FGFR1: variants seen among roughly 807,000 people sequenced by gnomAD.
The protein encoded by FGFR1 is fibroblast growth factor receptor 1, also known as FGFR1/PLAG1 fusion.
FGFR1 carries 18 observed loss-of-function variants against 93.7 expected under a neutral mutation model. The observed-to-expected ratio is 0.19, with a 90% CI of 0.13 to 0.28. The LOEUF is 0.28. Ranked by LOEUF, FGFR1 falls within the 10% of genes least tolerant of loss-of-function variation. FGFR1 has a pLI of 1.00. For missense variants in FGFR1, 731 were observed against 1,080.4 expected, an observed-to-expected ratio of 0.68 and a Z score of 4.53; for synonymous variants, 448 against 429.3, an observed-to-expected ratio of 1.04 and a Z score of -0.54.
intron 2 of FGFR1, among the ~76,000 whole-genome samples, chr8:38,448,994 T>C (rs906991411): frequency 6.6e-6 from 1 of 151,606 alleles, no homozygotes; most frequent in Admixed American, 6.6e-5. Context: ...CCTAACACTT[T>C]AGGAGGCTGA....
chr8:38,423,662 T>TAAAAAAAAAAAAAAAAAAAAAAAA (rs1209840278), intron 7 of FGFR1: 1 of 115,082 alleles, frequency 8.7e-6, no homozygotes, highest in Non-Finnish European at 1.8e-5. Context: ...AGCATTTGAT[T>TAAAAAAAAAAAAAAAAAAAAAAAA]AAAAAAAAAA....
At chr8:38,461,041 CAG>C (rs1834278277) in intron 1 of FGFR1, 1 of 1,533,388 alleles carries the variant, frequency 6.5e-7, no homozygotes, top group African/African-American at 1.4e-5. Context: ...CGGTGGGGAG[CAG>C]AGAGGGGGCA....
intron 2 of FGFR1, among the ~76,000 whole-genome samples, chr8:38,433,133 T>C (rs966569118): frequency 1.3e-5 from 2 of 151,138 alleles, no homozygotes; most frequent in African/African-American, 4.9e-5. Context: ...AGCCCAGGAG[T>C]TCAAGACCAG....
intron 2 of FGFR1, among the ~76,000 whole-genome samples, chr8:38,445,226 A>G (rs1388713835): frequency 2.0e-5 from 3 of 152,174 alleles, no homozygotes; most frequent in Non-Finnish European, 4.4e-5. Flanking sequence ...GTTGTCCTTC[A>G]GAAAAAACGA....
chr8:38,424,847 G>T lies in FGFR1; in HGVS notation c.746-148C>A. The T allele has an allele frequency of 1.3e-6, 1 of 763,314 alleles. No individual in the cohort carries two copies. The highest frequency in any genetic ancestry group is 2.1e-6 in the Non-Finnish European group (1 of 481,304). 47.3% of individuals were successfully genotyped at this position (763,314 alleles called of 1,614,324 possible). A position where few individuals can be genotyped will look rare whatever the true frequency, so the allele number is the denominator to read the frequency against. ...CTGAGCCCAAGCCTCTCAAAACAGA[G>T]CTGGGGAAAGGGACACCCTCTCTTC... On this transcript the variant is annotated intron_variant, in intron 6 of 17. Coordinates refer to ENST00000447712, the MANE Select transcript of FGFR1 (RefSeq NM_023110.3). The surrounding 1 kb of genome is among the most constrained non-coding windows in gnomAD (Gnocchi z 4.3).
At chr8:38,451,882 G>A (rs560078583) in intron 2 of FGFR1, among the ~76,000 whole-genome samples, 1 of 152,114 alleles carries the variant, frequency 6.6e-6, no homozygotes, top group East Asian at 1.9e-4. Flanking sequence ...GCAAAAGACA[G>A]ACAAATGCAC....
intron 12 of FGFR1, among the ~76,000 whole-genome samples, chr8:38,416,566 C>T (rs1816734090): frequency 6.7e-6 from 1 of 150,306 alleles, no homozygotes; most frequent in Non-Finnish European, 1.5e-5. Context: ...AACGATTCTC[C>T]TGCCACAGCC....
intron 15 of FGFR1, 53 bp from the exon 16 acceptor site, chr8:38,414,342 C>A (rs1815515665): frequency 6.2e-7 from 1 of 1,612,968 alleles, no homozygotes; most frequent in South Asian, 1.1e-5. Context: ...CCTCCCCTCC[C>A]CCAGCACAAA....
At position 38,411,576 on chromosome 8, in the gene FGFR1, A is replaced by G. The variant is rs955646941; in HGVS notation, c.*2052T>C. 3.9e-5 allele frequency: 9 copies of G among 228,472 alleles called. No homozygotes were observed. The highest frequency in any genetic ancestry group is 1.8e-4 in the African/African-American group (8 of 45,116). 14.2% of individuals were successfully genotyped at this position (228,472 alleles called of 1,614,324 possible). A position where few individuals can be genotyped will look rare whatever the true frequency, so the allele number is the denominator to read the frequency against. On this transcript the variant is annotated 3_prime_UTR_variant, in exon 18 of 18. Coordinates refer to ENST00000447712, the MANE Select transcript of FGFR1 (RefSeq NM_023110.3). Reference sequence around the variant, plus strand: ...CCCTAGCTCAGAAATTTAAAGCAGCAATCCCATTTTCCCTACAGAAATGAA... The same window carrying G: ...CCCTAGCTCAGAAATTTAAAGCAGCGATCCCATTTTCCCTACAGAAATGAA...
intron 1 of FGFR1, among the ~76,000 whole-genome samples, chr8:38,459,329 T>A (rs1158238589): frequency 6.6e-6 from 1 of 152,170 alleles, no homozygotes; most frequent in Non-Finnish European, 1.5e-5. Flanking sequence ...AGTGAGTCAG[T>A]GCTGGCTGGC....
chr8:38,432,410 ATTTTT>A (rs34918365), intron 2 of FGFR1, among the ~76,000 whole-genome samples: 2 of 135,934 alleles, frequency 1.5e-5, no homozygotes, highest in Admixed American at 7.5e-5. Context: ...CTCGGGATAA[ATTTTT>A]TTTTTTTTTT....
intron 1 of FGFR1, chr8:38,461,020 G>T: frequency 6.6e-7 from 1 of 1,513,202 alleles, no homozygotes; most frequent in Non-Finnish European, 8.9e-7. Flanking sequence ...ATGCCTGCAT[G>T]CAGAGGTCCT....
At chr8:38,453,818 G>T (rs1049493262) in intron 2 of FGFR1, among the ~76,000 whole-genome samples, 2 of 152,098 alleles carry the variant, frequency 1.3e-5, no homozygotes, top group Non-Finnish European at 2.9e-5. Flanking sequence ...CTTGAACCTG[G>T]GAGGCAGAGG....
Position 38,411,404 on chromosome 8 carries a change from A to G in FGFR1, c.*2224T>C, listed in dbSNP as rs1217250370. 1 of 222,262 alleles carries G rather than the reference A, an allele frequency of 4.5e-6. No homozygotes were observed. Among genetic ancestry groups the G allele is most frequent in the Admixed American group, 5.8e-5 (1 of 17,390 alleles). 13.8% of individuals were successfully genotyped at this position (222,262 alleles called of 1,614,324 possible). A position where few individuals can be genotyped will look rare whatever the true frequency, so the allele number is the denominator to read the frequency against. On this transcript the variant is annotated 3_prime_UTR_variant, in exon 18 of 18. Coordinates refer to ENST00000447712, the MANE Select transcript of FGFR1 (RefSeq NM_023110.3). Reference sequence around the variant, plus strand: ...TGCGGTCTCAAAGCAAATGCTTTTAAGAGCTAAAAATTCATTTCCTAGTTC... The same window carrying G: ...TGCGGTCTCAAAGCAAATGCTTTTAGGAGCTAAAAATTCATTTCCTAGTTC...
chr8:38,426,274 G>C lies in FGFR1; in HGVS notation c.622-29C>G, dbSNP rs2150868225. 10 of 1,613,470 alleles carry C rather than the reference G, an allele frequency of 6.2e-6. No individual in the cohort carries two copies. The highest frequency in any genetic ancestry group is 8.5e-6 in the Non-Finnish European group (10 of 1,179,894). Reference sequence around the variant, plus strand: ...AGGGGAAATGCCAAAGGGATACATTGAGGGTCCAGAGGAAAATGCAGGCCC... The same window carrying C: ...AGGGGAAATGCCAAAGGGATACATTCAGGGTCCAGAGGAAAATGCAGGCCC... On this transcript the variant is annotated intron_variant, in intron 5 of 17. Transcript: ENST00000447712. The surrounding 1 kb of genome is among the most constrained non-coding windows in gnomAD (Gnocchi z 4.1).
At position 38,424,474 on chromosome 8, in the gene FGFR1, G is replaced by A. The variant is rs1442951895; in HGVS notation, c.936+35C>T. 1.9e-6 allele frequency: 3 copies of A among 1,613,274 alleles called. No homozygotes were observed. Among genetic ancestry groups the A allele is most frequent in the Non-Finnish European group, 2.5e-6 (3 of 1,179,282 alleles). On this transcript the variant is annotated intron_variant, in intron 7 of 17. Transcript: ENST00000447712. The surrounding 1 kb of genome is among the most constrained non-coding windows in gnomAD (Gnocchi z 4.3). Reference sequence around the variant, plus strand: ...CCCCGAGACAGTGGTCTCCTTCCCAGTAGACTGGCCCACGAAGACTGGTGC... The same window carrying A: ...CCCCGAGACAGTGGTCTCCTTCCCAATAGACTGGCCCACGAAGACTGGTGC...
intron 2 of FGFR1, among the ~76,000 whole-genome samples, chr8:38,447,026 A>G (rs1277464512): frequency 6.6e-6 from 1 of 151,624 alleles, no homozygotes; most frequent in Non-Finnish European, 1.5e-5. Flanking sequence ...CTTGTTCATT[A>G]AGGCAGTTCA....
chr8:38,464,342 A>G (rs954655605), intron 1 of FGFR1, among the ~76,000 whole-genome samples: 1 of 149,084 alleles, frequency 6.7e-6, no homozygotes, highest in Non-Finnish European at 1.5e-5. Flanking sequence ...AAAAGCAACA[A>G]GTGAAACACG....
intron 2 of FGFR1, among the ~76,000 whole-genome samples, chr8:38,453,538 T>C (rs1028543574): frequency 3.3e-5 from 5 of 152,208 alleles, no homozygotes; most frequent in Non-Finnish European, 7.3e-5. Flanking sequence ...GGAAAATGTG[T>C]GCCCACCCAG....
Sources: allele counts gnomAD v4.1 joint callset (sites outside exome capture counted in the v4.1 genomes callset), GRCh38; gene constraint gnomAD v4.1.1; non-coding constraint Gnocchi (gnomAD v3.1); transcripts MANE v1.5; gene names NCBI Gene and HGNC (gene_info 2026-07-23, HGNC 2026-07-21).